MCF2L2: variants seen among roughly 807,000 people sequenced by gnomAD.
MCF2L2 encodes MCF.2 cell line derived transforming sequence-like 2.
A neutral mutation model predicts 150.2 loss-of-function variants in MCF2L2; 102 were observed. That is an observed-to-expected ratio of 0.68 (90% CI 0.58 to 0.80). The LOEUF is 0.80. Among genes scored for constraint, MCF2L2 ranks in the 30% least tolerant of loss-of-function variants. The pLI is 0.00. For missense variants in MCF2L2, 1,256 were observed against 1,372.8 expected, an observed-to-expected ratio of 0.91 and a Z score of 1.34; for synonymous variants, 465 against 491.3, an observed-to-expected ratio of 0.95 and a Z score of 0.71.
At chr3:183,287,903 A>T (rs1727886165) in intron 14 of MCF2L2, 1 of 152,204 alleles carries the variant, frequency 6.6e-6, no homozygotes, top group Admixed American at 6.5e-5. Flanking sequence ...ATATTCAGAT[A>T]CTTTGGGGAT....
intron 4 of MCF2L2, among the ~76,000 whole-genome samples, chr3:183,339,921 T>A (rs1730631933): frequency 6.6e-6 from 1 of 152,212 alleles, no homozygotes; most frequent in Non-Finnish European, 1.5e-5. Context: ...ACATATAAAG[T>A]GATCAACGTA....
intron 14 of MCF2L2, among the ~76,000 whole-genome samples, chr3:183,284,351 T>C (rs1040195854): frequency 3.3e-5 from 5 of 152,182 alleles, no homozygotes; most frequent in African/African-American, 1.2e-4. Flanking sequence ...TCTAGGACAA[T>C]GTTACAAAGA....
At chr3:183,319,800 A>G (rs1729737689) in intron 6 of MCF2L2, among the ~76,000 whole-genome samples, 1 of 152,194 alleles carries the variant, frequency 6.6e-6, no homozygotes, top group African/African-American at 2.4e-5. Context: ...CCATGCTGTA[A>G]ACAGAAGTGC....
chr3:183,270,286 A>G lies in MCF2L2; in HGVS notation c.1862+6586T>C. ...GATATAATTCAGCAAGACTTTGTTG[A>G]TTCTTTCTACAATCTTACTCTGAAA... On this transcript the variant is annotated intron_variant, in intron 15 of 29. Coordinates refer to ENST00000328913, the MANE Select transcript of MCF2L2 (RefSeq NM_015078.4). The surrounding 1 kb of genome is among the most constrained non-coding windows in gnomAD (Gnocchi z 4.5). 6.2e-7 allele frequency: 1 copy of G among 1,614,220 alleles called. No individual in the cohort carries two copies. The highest frequency in any genetic ancestry group is 8.5e-7 in the Non-Finnish European group (1 of 1,180,036).
intron 15 of MCF2L2, among the ~76,000 whole-genome samples, chr3:183,249,423 G>A (rs79693640): frequency 0.017 from 2,522 of 152,334 alleles, 70 homozygotes; most frequent in African/African-American, 0.058. Flanking sequence ...CCCTGTCCCT[G>A]TCCCTGAGAG....
At chr3:183,229,915 T>C (rs533464547) in intron 16 of MCF2L2, 134 bp from the exon 17 acceptor site, 174 of 456,580 alleles carry the variant, frequency 3.8e-4, no homozygotes, top group Middle Eastern at 2.1e-3. Context: ...AAAGCTATCG[T>C]ATTGAGTACT....
chr3:183,282,246 T>C (rs181921660), intron 14 of MCF2L2, among the ~76,000 whole-genome samples: 26 of 152,164 alleles, frequency 1.7e-4, no homozygotes, highest in Non-Finnish European at 2.9e-4. Context: ...TGGTGCAATC[T>C]CAGCTCACTG....
At chr3:183,208,526 G>A (rs780996537) in intron 22 of MCF2L2, among the ~76,000 whole-genome samples, 1 of 152,220 alleles carries the variant, frequency 6.6e-6, no homozygotes, top group Non-Finnish European at 1.5e-5. Flanking sequence ...CATATGTCTG[G>A]TTGAAAGTCC....
chr3:183,371,464 C>G (rs1005716928), intron 3 of MCF2L2, among the ~76,000 whole-genome samples: 77 of 138,042 alleles, frequency 5.6e-4, no homozygotes, highest in African/African-American at 2.1e-3. Context: ...CTCTGAGAAG[C>G]CTTTTTTTTT....
At chr3:183,262,289 G>A (rs1725681988) in intron 15 of MCF2L2, among the ~76,000 whole-genome samples, 1 of 151,844 alleles carries the variant, frequency 6.6e-6, no homozygotes. Flanking sequence ...TACTAAGAAT[G>A]CAGACATGTC....
intron 24 of MCF2L2, 45 bp downstream of exon 24, chr3:183,206,077 T>A: frequency 6.3e-7 from 1 of 1,581,544 alleles, no homozygotes; most frequent in Non-Finnish European, 8.7e-7. Context: ...GGGAACACAA[T>A]AAGGAAAGAG....
chr3:183,401,177 T>C (rs925371286), intron 1 of MCF2L2, among the ~76,000 whole-genome samples: 1 of 152,194 alleles, frequency 6.6e-6, no homozygotes, highest in Non-Finnish European at 1.5e-5. Context: ...CAAACTGCCG[T>C]GCAGAGAGGA....
At position 183,294,669 on chromosome 3, in the gene MCF2L2, C is replaced by T. The variant is rs192508871; in HGVS notation, c.1675+631G>A. On this transcript the variant is annotated intron_variant, in intron 13 of 29. Coordinates refer to ENST00000328913, the MANE Select transcript of MCF2L2 (RefSeq NM_015078.4). ...TTTGAGACGGAGTCTCGCTCTGTCA[C>T]CCAGGATGGAGTGCAGTGGCGCCAT... is the stretch of plus-strand genomic sequence containing the variant. Among the ~76,000 whole-genome samples, 55 of 145,458 alleles carry T rather than the reference C, an allele frequency of 3.8e-4. No homozygotes were observed. The Middle Eastern group carries it at 0.012, about 31-fold the overall frequency.
chr3:183,255,285 G>A (rs1207067283), intron 15 of MCF2L2, among the ~76,000 whole-genome samples: 1 of 152,224 alleles, frequency 6.6e-6, no homozygotes, highest in Non-Finnish European at 1.5e-5. Context: ...GGTGATTAGT[G>A]ATCAGCAGCA....
intron 3 of MCF2L2, chr3:183,374,499 C>T (rs1713074761): frequency 6.6e-6 from 1 of 152,268 alleles, no homozygotes; most frequent in Admixed American, 6.5e-5. Context: ...GAAACTCCGT[C>T]TCTCCTAAAA....
intron 1 of MCF2L2, 142 bp downstream of exon 1, chr3:183,427,760 A>G: frequency 1.4e-6 from 1 of 727,944 alleles, no homozygotes; most frequent in South Asian, 1.5e-5. Context: ...CAGGACCCAG[A>G]GCAGCGAGGC....
chr3:183,188,237 A>G (rs1240684284), intron 27 of MCF2L2, among the ~76,000 whole-genome samples: 1 of 152,180 alleles, frequency 6.6e-6, no homozygotes, highest in Non-Finnish European at 1.5e-5. Context: ...CCAAGGACCA[A>G]CTGCAGTGGC....
At chr3:183,420,253 G>A (rs192992928) in intron 1 of MCF2L2, among the ~76,000 whole-genome samples, 6 of 152,194 alleles carry the variant, frequency 3.9e-5, no homozygotes, top group South Asian at 4.2e-4. Flanking sequence ...CTTTATAGCA[G>A]TACCCCCACT....
At chr3:183,361,429 G>A (rs1712196741) in intron 3 of MCF2L2, among the ~76,000 whole-genome samples, 1 of 152,166 alleles carries the variant, frequency 6.6e-6, no homozygotes, top group Non-Finnish European at 1.5e-5. Context: ...AGATCATGGG[G>A]GCAGATTTCC....
Sources: allele counts gnomAD v4.1 joint callset (sites outside exome capture counted in the v4.1 genomes callset), GRCh38; gene constraint gnomAD v4.1.1; non-coding constraint Gnocchi (gnomAD v3.1); transcripts MANE v1.5; gene names NCBI Gene and HGNC (gene_info 2026-07-23, HGNC 2026-07-21).